SH3PXD2A: variants seen among roughly 807,000 people sequenced by gnomAD.
SH3PXD2A encodes the protein SH3 and PX domains 2A.
A neutral mutation model predicts 115.2 loss-of-function variants in SH3PXD2A; 32 were observed. The observed-to-expected ratio is 0.28, with a 90% CI of 0.21 to 0.37. The LOEUF (loss-of-function observed/expected upper bound fraction) is 0.37. Ranked by LOEUF, SH3PXD2A falls within the 10% of genes least tolerant of loss-of-function variation. SH3PXD2A has a pLI of 1.00. For synonymous variants in SH3PXD2A, 610 were observed against 629.1 expected, an observed-to-expected ratio of 0.97 and a Z score of 0.45; for missense variants, 1,328 against 1,498.7, an observed-to-expected ratio of 0.89 and a Z score of 1.88.
At chr10:103,699,811 G>A (rs1307538813) in intron 5 of SH3PXD2A, among the ~76,000 whole-genome samples, 2 of 152,178 alleles carry the variant, frequency 1.3e-5, no homozygotes, top group African/African-American at 2.4e-5. Flanking sequence ...TCCTTTCTCC[G>A]CAGGGCCTGT....
intron 6 of SH3PXD2A, among the ~76,000 whole-genome samples, chr10:103,669,901 A>G (rs1025043500): frequency 6.6e-6 from 1 of 152,256 alleles, no homozygotes; most frequent in East Asian, 1.9e-4. Context: ...CACTTTGCAT[A>G]TAGTAACTGG....
chr10:103,811,761 G>A (rs1335841166), intron 1 of SH3PXD2A, among the ~76,000 whole-genome samples: 2 of 152,196 alleles, frequency 1.3e-5, no homozygotes, highest in African/African-American at 4.8e-5. Context: ...GATCCTTGCG[G>A]GGATCAGCAC....
Position 103,855,327 on chromosome 10 carries a change from C to G in SH3PXD2A, c.-61G>C, listed in dbSNP as rs1343476835. On this transcript the variant is annotated 5_prime_UTR_variant, in exon 1 of 15. Transcript: ENST00000369774. ...TCACCTTCTCATCCCGGCCGGGCTC[C>G]GGCTCCTTCTCCAGCTGCCGGGGTC... is the stretch of plus-strand genomic sequence containing the variant. 32 of 1,360,512 alleles carry G rather than the reference C, an allele frequency of 2.4e-5. No homozygotes were observed. The highest frequency in any genetic ancestry group is 3.0e-5 in the Non-Finnish European group (30 of 1,005,978). The allele number at this position is 1,360,512 out of a possible 1,614,324, so 84.3% of individuals were successfully genotyped here. A position where few individuals can be genotyped will look rare whatever the true frequency, so the allele number is the denominator to read the frequency against.
intron 2 of SH3PXD2A, among the ~76,000 whole-genome samples, chr10:103,772,074 G>C (rs1404296286): frequency 6.6e-6 from 1 of 152,234 alleles, no homozygotes; most frequent in Non-Finnish European, 1.5e-5. Flanking sequence ...TTCAACGAAA[G>C]CAAATCTCTG....
chr10:103,660,370 T>C (rs2037275847), intron 8 of SH3PXD2A, among the ~76,000 whole-genome samples: 1 of 152,176 alleles, frequency 6.6e-6, no homozygotes, highest in Non-Finnish European at 1.5e-5. Flanking sequence ...CAGCTGTCAG[T>C]ACGGCCCCTG....
Position 103,600,143 on chromosome 10 carries a change from A to C in SH3PXD2A, c.*1673T>G, listed in dbSNP as rs2036194402. The stretch of plus-strand genomic sequence containing the variant: ...CCCAGTCCAGGGACCCTGGCAGCTG[A>C]ATCGGTGGCTGTGAGGCCCAATCTG... On this transcript the variant is annotated 3_prime_UTR_variant, in exon 15 of 15. Transcript: ENST00000369774. 6.6e-6 allele frequency: 1 copy of C among 152,628 alleles called. No individual in the cohort carries two copies. Among genetic ancestry groups the C allele is most frequent in the East Asian group, 1.9e-4 (1 of 5,194 alleles). The allele number at this position is 152,628 out of a possible 1,614,324, so 9.5% of individuals were successfully genotyped here.
intron 12 of SH3PXD2A, 136 bp from the exon 13 acceptor site, chr10:103,611,766 A>C: frequency 1.4e-6 from 1 of 727,648 alleles, no homozygotes; most frequent in Non-Finnish European, 2.5e-6. Flanking sequence ...AGGACTTGAC[A>C]CTCTAAGTCA....
Position 103,627,064 on chromosome 10 carries a change from G to T in SH3PXD2A, c.718+25C>A. The T allele has an allele frequency of 2.2e-6, 3 of 1,339,944 alleles. No individual in the cohort carries two copies. The highest frequency in any genetic ancestry group is 3.2e-6 in the Non-Finnish European group (3 of 929,954). 83.0% of individuals were successfully genotyped at this position (1,339,944 alleles called of 1,614,324 possible). ...GCCTCCAGAGGCCGCGTTGCTCCCT[G>T]CCCCTTGGACCTGCAAGCCCTCACC... On this transcript the variant is annotated intron_variant, in intron 9 of 14. Coordinates refer to ENST00000369774, the MANE Select transcript of SH3PXD2A (RefSeq NM_001394015.1). The surrounding 1 kb of genome is among the most constrained non-coding windows in gnomAD (Gnocchi z 4.4).
chr10:103,771,634 C>T (rs2013456), intron 2 of SH3PXD2A, among the ~76,000 whole-genome samples: 22,593 of 151,942 alleles, frequency 0.15, 1,917 homozygotes, highest in East Asian at 0.29. Flanking sequence ...GTAGTCCCAG[C>T]TGAGGCAGGA....
chr10:103,730,278 T>G (rs1190258005), intron 4 of SH3PXD2A, among the ~76,000 whole-genome samples: 1 of 126,262 alleles, frequency 7.9e-6, no homozygotes, highest in Non-Finnish European at 1.7e-5. Flanking sequence ...TGATTTTTTT[T>G]GTTTTTTAAT....
At chr10:103,653,242 C>T (rs1285673634) in intron 8 of SH3PXD2A, among the ~76,000 whole-genome samples, 3 of 152,232 alleles carry the variant, frequency 2.0e-5, no homozygotes, top group Non-Finnish European at 4.4e-5. Context: ...TCAGCTCGTA[C>T]AGATTTACTG....
intron 1 of SH3PXD2A, among the ~76,000 whole-genome samples, chr10:103,825,212 C>A (rs549083770): frequency 1.8e-4 from 27 of 152,290 alleles, no homozygotes; most frequent in African/African-American, 6.0e-4. Context: ...TCCCAAACAA[C>A]CCCAACCCTG....
chr10:103,604,085 C>T (rs1348907356), intron 14 of SH3PXD2A, among the ~76,000 whole-genome samples: 1 of 152,214 alleles, frequency 6.6e-6, no homozygotes, highest in Non-Finnish European at 1.5e-5. Flanking sequence ...TCCCCCTAAA[C>T]TGCACTGTTC....
chr10:103,732,674 T>C (rs1008277908), intron 4 of SH3PXD2A, among the ~76,000 whole-genome samples: 4 of 152,208 alleles, frequency 2.6e-5, no homozygotes, highest in Non-Finnish European at 5.9e-5. Flanking sequence ...TGCACAATTT[T>C]GGGTGCATTT....
At chr10:103,704,431 G>T (rs1226630881) in intron 5 of SH3PXD2A, among the ~76,000 whole-genome samples, 1 of 152,200 alleles carries the variant, frequency 6.6e-6, no homozygotes, top group Non-Finnish European at 1.5e-5. Flanking sequence ...GTGGCTGGCA[G>T]CACTGGGGGT....
At chr10:103,739,386 C>T (rs937357168) in intron 3 of SH3PXD2A, among the ~76,000 whole-genome samples, 4 of 152,246 alleles carry the variant, frequency 2.6e-5, no homozygotes, top group African/African-American at 9.6e-5. Flanking sequence ...TTCCCCCTTT[C>T]CCGCTGAAAT....
At chr10:103,779,277 G>A (rs556994171) in intron 2 of SH3PXD2A, among the ~76,000 whole-genome samples, 10 of 152,094 alleles carry the variant, frequency 6.6e-5, no homozygotes, top group African/African-American at 1.4e-4. Context: ...CATGTTGGCC[G>A]GGCTGGTCTC....
At chr10:103,676,270 C>T (rs185799208) in intron 6 of SH3PXD2A, among the ~76,000 whole-genome samples, 104 of 152,292 alleles carry the variant, frequency 6.8e-4, no homozygotes, top group Non-Finnish European at 1.2e-3. Flanking sequence ...ATCCAGAACA[C>T]GTGTGGGGGC....
intron 1 of SH3PXD2A, among the ~76,000 whole-genome samples, chr10:103,813,492 T>C (rs2039292809): frequency 6.6e-6 from 1 of 152,100 alleles, no homozygotes; most frequent in Non-Finnish European, 1.5e-5. Context: ...AATTTTTTAA[T>C]TTTTTTGTAG....
Sources: gnomAD v4.1 joint callset for allele counts (sites outside exome capture counted in the v4.1 genomes callset) on GRCh38, gnomAD v4.1.1 for gene constraint, Gnocchi (gnomAD v3.1) non-coding constraint, MANE v1.5 for transcripts, NCBI Gene and HGNC (gene_info 2026-07-23, HGNC 2026-07-21) for gene names.